AFF2: variants seen among roughly 807,000 people sequenced by gnomAD.
AFF2 encodes ALF transcription elongation factor 2.
In AFF2, 14 loss-of-function variants were observed where a neutral mutation model predicts 76.9. The observed-to-expected ratio is 0.18, with a 90% CI of 0.12 to 0.28. The LOEUF (loss-of-function observed/expected upper bound fraction) is 0.28. Ranked by LOEUF, AFF2 falls within the 10% of genes least tolerant of loss-of-function variation. AFF2 has a pLI of 1.00. For missense variants in AFF2, 868 were observed against 1,001.1 expected (o/e 0.87, Z 1.79); for synonymous variants, 398 against 366.7 (o/e 1.09, Z -0.98).
chrX:148,560,873 C>G (rs1452369243), intron 1 of AFF2, among the ~76,000 whole-genome samples: 1 of 111,234 alleles, frequency 9.0e-6, no homozygotes, highest in African/African-American at 3.3e-5. Flanking sequence ...AAGTCCAGCT[C>G]TAATGCTTTC....
intron 1 of AFF2, among the ~76,000 whole-genome samples, chrX:148,602,674 C>G (rs901242345): frequency 4.5e-4 from 50 of 110,602 alleles, no homozygotes; most frequent in African/African-American, 1.5e-3. Context: ...GGCCATATAA[C>G]GAGAAGAGGC....
chrX:148,949,204 A>T (rs1470908253), intron 9 of AFF2, among the ~76,000 whole-genome samples: 2 of 111,471 alleles, frequency 1.8e-5, no homozygotes, highest in Non-Finnish European at 1.9e-5. Context: ...GCATCTATTC[A>T]TTAATTATGG....
chrX:148,683,191 T>A (rs984705020), intron 3 of AFF2, among the ~76,000 whole-genome samples: 1 of 111,956 alleles, frequency 8.9e-6, no homozygotes, highest in East Asian at 2.8e-4. Context: ...TAATCTTTGC[T>A]TTTTACTTTC....
chrX:148,953,162 T>G (rs1244169759), intron 9 of AFF2, among the ~76,000 whole-genome samples: 1 of 111,876 alleles, frequency 8.9e-6, no homozygotes, highest in Non-Finnish European at 1.9e-5. Flanking sequence ...TCAGAGCCCC[T>G]TGACGAACCT....
intron 5 of AFF2, among the ~76,000 whole-genome samples, chrX:148,837,960 A>G (rs1363266826): frequency 8.9e-6 from 1 of 112,256 alleles, no homozygotes; most frequent in Non-Finnish European, 1.9e-5. Context: ...GGGTGTTGCC[A>G]CTGTCCAAGT....
At chrX:148,859,000 A>G (rs2070816795) in intron 7 of AFF2, among the ~76,000 whole-genome samples, 1 of 107,521 alleles carries the variant, frequency 9.3e-6, no homozygotes, top group African/African-American at 3.4e-5. Context: ...TATATGAAAA[A>G]ACTACAATAC....
At chrX:148,881,439 G>A (rs1284383346) in intron 7 of AFF2, among the ~76,000 whole-genome samples, 2 of 110,555 alleles carry the variant, frequency 1.8e-5, no homozygotes, top group Non-Finnish European at 3.8e-5. Context: ...TCAGAACATC[G>A]GGACCACTCA....
At chrX:148,866,194 C>T (rs1306701543) in intron 7 of AFF2, among the ~76,000 whole-genome samples, 6 of 111,781 alleles carry the variant, frequency 5.4e-5, no homozygotes, top group African/African-American at 1.3e-4. Flanking sequence ...AGACAGTCTT[C>T]GCATTTCTAA....
rs1264947632 is a variant in AFF2, at chrX:148,578,548, T to TG, written c.48-73451_48-73450insG. ...GAAAACAAAGACTGTATGTTATTCA[T>TG]TTTTCTATCCTCAGACCTTTGTACA... is the stretch of plus-strand genomic sequence containing the variant. On this transcript the variant is annotated intron_variant, in intron 1 of 20. Transcript: ENST00000370460. Among the ~76,000 whole-genome samples the TG allele has an allele frequency of 3.6e-5, 4 of 111,996 alleles. No homozygotes were observed. The East Asian group carries it at 1.1e-3, about 32-fold the overall frequency.
chrX:148,712,125 C>T (rs188309720), intron 3 of AFF2, among the ~76,000 whole-genome samples: 1 of 111,692 alleles, frequency 9.0e-6, no homozygotes, highest in African/African-American at 3.3e-5. Flanking sequence ...CATCTGCCTC[C>T]ATCTTCACAT....
intron 19 of AFF2, among the ~76,000 whole-genome samples, chrX:148,981,471 C>G (rs149268217): frequency 4.2e-4 from 47 of 111,059 alleles, no homozygotes; most frequent in African/African-American, 1.4e-3. Flanking sequence ...TGGGCTTGTT[C>G]TTTATCGCTA....
intron 9 of AFF2, among the ~76,000 whole-genome samples, chrX:148,927,097 A>G (rs1342850923): frequency 1.8e-5 from 2 of 111,938 alleles, no homozygotes; most frequent in African/African-American, 6.5e-5. Flanking sequence ...ATTTTTTCTT[A>G]TGGTATGCCT....
intron 1 of AFF2, among the ~76,000 whole-genome samples, chrX:148,537,453 T>C (rs1252036909): frequency 9.0e-6 from 1 of 111,403 alleles, no homozygotes; most frequent in Non-Finnish European, 1.9e-5. Flanking sequence ...GTGGTCCAGG[T>C]ATAAGTTGAT....
chrX:148,881,682 G>C (rs1557278510), intron 7 of AFF2, among the ~76,000 whole-genome samples: 1 of 111,026 alleles, frequency 9.0e-6, no homozygotes, highest in African/African-American at 3.3e-5. Flanking sequence ...TGTGGGGCCT[G>C]ATTCCTCTGC....
intron 1 of AFF2, among the ~76,000 whole-genome samples, chrX:148,515,962 G>A (rs1334520910): frequency 1.8e-5 from 2 of 111,925 alleles, no homozygotes; most frequent in African/African-American, 6.5e-5. Context: ...TCCTATGGTA[G>A]CAAATTTCTT....
intron 2 of AFF2, among the ~76,000 whole-genome samples, chrX:148,654,313 G>C: frequency 8.9e-6 from 1 of 111,776 alleles, no homozygotes; most frequent in Non-Finnish European, 1.9e-5. Context: ...ACCTTATGGA[G>C]AGTTGTTTTA....
At chrX:148,580,314 C>A (rs1557244179) in intron 1 of AFF2, among the ~76,000 whole-genome samples, 5 of 111,193 alleles carry the variant, frequency 4.5e-5, no homozygotes, top group Non-Finnish European at 1.9e-5. Context: ...GGGGGCTTAT[C>A]CTTGGAACCA....
intron 9 of AFF2, among the ~76,000 whole-genome samples, chrX:148,921,703 A>C (rs2071598012): frequency 8.9e-6 from 1 of 112,629 alleles, no homozygotes; most frequent in Non-Finnish European, 1.9e-5. Flanking sequence ...AGAGATATTG[A>C]AACAAAAGTA....
At chrX:148,548,135 C>T (rs2052946096) in intron 1 of AFF2, among the ~76,000 whole-genome samples, 1 of 112,549 alleles carries the variant, frequency 8.9e-6, no homozygotes, top group African/African-American at 3.2e-5. Context: ...TGTGCTGTAT[C>T]TGTGTCACAC....
Sources: allele counts gnomAD v4.1 joint callset (sites outside exome capture counted in the v4.1 genomes callset), GRCh38; gene constraint gnomAD v4.1.1; transcripts MANE v1.5; gene names NCBI Gene and HGNC (gene_info 2026-07-23, HGNC 2026-07-21).